Variants in MTF1 observed in about 807,000 individuals in gnomAD.
MTF1 encodes metal regulatory transcription factor 1, also known as MRE-binding transcription factor.
In MTF1, 22 loss-of-function variants were observed where a neutral mutation model predicts 70.4. That is an observed-to-expected ratio of 0.31 (90% CI 0.22 to 0.45). The LOEUF is 0.45. Ranked by LOEUF, MTF1 falls within the 20% of genes least tolerant of loss-of-function variation. The pLI is 1.00. For synonymous variants in MTF1, 333 were observed against 352.8 expected (o/e 0.94, Z 0.63); for missense variants, 649 against 922.0 (o/e 0.70, Z 3.83).
In MTF1 at chr1:37,810,701, T is replaced by C. The variant is rs1019537129; in HGVS notation, c.*4435A>G. Reference sequence around the variant, plus strand: ...CAGAACTATTTGCATATTGGATCTATGAAAATCCTTCTGCTTTGGCTGAAG... The same window carrying C: ...CAGAACTATTTGCATATTGGATCTACGAAAATCCTTCTGCTTTGGCTGAAG... On this transcript the variant is annotated 3_prime_UTR_variant, in exon 11 of 11. Coordinates refer to ENST00000373036, the MANE Select transcript of MTF1 (RefSeq NM_005955.3). 4 of 152,236 alleles carry C rather than the reference T, an allele frequency of 2.6e-5. No homozygotes were observed. Among genetic ancestry groups the C allele is most frequent in the African/African-American group, 4.8e-5 (2 of 41,460 alleles). 9.4% of individuals were successfully genotyped at this position (152,236 alleles called of 1,614,324 possible).
intron 10 of MTF1, among the ~76,000 whole-genome samples, chr1:37,817,145 A>T (rs1057095152): frequency 6.6e-6 from 1 of 152,182 alleles, no homozygotes; most frequent in Admixed American, 6.5e-5. Flanking sequence ...TGATTCAAAA[A>T]TTTTTTTCTG....
chr1:37,822,088 A>T lies in MTF1; in HGVS notation c.1767+33T>A, dbSNP rs749655260. On this transcript the variant is annotated intron_variant, in intron 9 of 10. Coordinates refer to ENST00000373036, the MANE Select transcript of MTF1 (RefSeq NM_005955.3). ...CATGTCACCTATGTAAATACACTTC[A>T]CCCCACTGGGTATATTCATACATAA... 9 of 1,499,500 alleles carry T rather than the reference A, an allele frequency of 6.0e-6. No individual in the cohort carries two copies. The Admixed American group carries it at 1.6e-4, about 27-fold the overall frequency. The allele number at this position is 1,499,500 out of a possible 1,614,324, so 92.9% of individuals were successfully genotyped here. A position where few individuals can be genotyped will look rare whatever the true frequency, so the allele number is the denominator to read the frequency against.
rs920447136 is a variant in MTF1 at position 37,823,706 on chromosome 1, A to G, written c.1171+4T>C. The G allele has an allele frequency of 3.1e-6, 5 of 1,608,874 alleles. No individual in the cohort carries two copies. Among genetic ancestry groups the G allele is most frequent in the Non-Finnish European group, 4.3e-6 (5 of 1,175,360 alleles). The stretch of plus-strand genomic sequence containing the variant: ...TGTGAGTAGAAAGAGTCCGTGTGAC[A>G]AACCTGTCTGTTGAGGATCTTCCTG... On this transcript the variant is annotated splice_donor_region_variant and intron_variant, in intron 8 of 10. Transcript: ENST00000373036.
rs564196525 is a variant in MTF1, at chr1:37,812,114, A to G, written c.*3022T>C. 1.3e-5 allele frequency: 2 copies of G among 152,712 alleles called. No individual in the cohort carries two copies. The highest frequency in any genetic ancestry group is 4.8e-5 in the African/African-American group (2 of 41,590). 9.5% of individuals were successfully genotyped at this position (152,712 alleles called of 1,614,324 possible). ...ATAACGTACAGGGTGAAAATGGTTAAGTTTACTATGGGAGGGGAAAAAGGC... is the reference window on the plus strand; with the variant it reads ...ATAACGTACAGGGTGAAAATGGTTAGGTTTACTATGGGAGGGGAAAAAGGC... On this transcript the variant is annotated 3_prime_UTR_variant, in exon 11 of 11. Transcript: ENST00000373036.
rs560346530 is a variant in MTF1, at chr1:37,815,695, G to A, written c.1832-129C>T. 10 of 672,156 alleles carry A rather than the reference G, an allele frequency of 1.5e-5. No homozygotes were observed. Among genetic ancestry groups the A allele is most frequent in the South Asian group, 1.1e-4 (4 of 37,400 alleles). The allele number at this position is 672,156 out of a possible 1,614,324, so 41.6% of individuals were successfully genotyped here. A position where few individuals can be genotyped will look rare whatever the true frequency, so the allele number is the denominator to read the frequency against. On this transcript the variant is annotated intron_variant, in intron 10 of 10. Coordinates refer to ENST00000373036, the MANE Select transcript of MTF1 (RefSeq NM_005955.3). The surrounding 1 kb of genome is among the most constrained non-coding windows in gnomAD (Gnocchi z 4.5). ...ATGGGAAGGATGGTTGCCACACTTC[G>A]GGCTTCGTTCTGCTTTAAATTGGAC...
intron 4 of MTF1, among the ~76,000 whole-genome samples, chr1:37,836,488 T>G (rs1351089654): frequency 6.6e-6 from 1 of 152,156 alleles, no homozygotes; most frequent in Non-Finnish European, 1.5e-5. Context: ...TATAATCTTG[T>G]GTGTCGAGAT....
intron 4 of MTF1, 62 bp from the exon 5 acceptor site, chr1:37,835,806 CTT>C (rs554128002): frequency 1.1e-3 from 1,098 of 1,042,580 alleles, no homozygotes; most frequent in Non-Finnish European, 1.2e-3. Flanking sequence ...TCCTGAACGT[CTT>C]TTTTTTTTTT....
At chr1:37,849,982 C>T (rs1284150108) in intron 2 of MTF1, among the ~76,000 whole-genome samples, 2 of 152,182 alleles carry the variant, frequency 1.3e-5, no homozygotes, top group Non-Finnish European at 2.9e-5. Flanking sequence ...GTGGCTCATG[C>T]CGGTAATCAC....
intron 2 of MTF1, among the ~76,000 whole-genome samples, chr1:37,854,394 G>C (rs574419959): frequency 5.3e-5 from 8 of 152,290 alleles, no homozygotes; most frequent in Admixed American, 1.3e-4. Flanking sequence ...GAATAATCTA[G>C]AGCAGGGTTT....
chr1:37,856,332 T>C (rs1157431436), intron 2 of MTF1, among the ~76,000 whole-genome samples: 3 of 151,422 alleles, frequency 2.0e-5, no homozygotes, highest in Non-Finnish European at 4.4e-5. Flanking sequence ...CACCCGCCAC[T>C]ATGCCTGGCT....
chr1:37,820,938 G>T (rs1168968904), intron 9 of MTF1, among the ~76,000 whole-genome samples: 1 of 152,192 alleles, frequency 6.6e-6, no homozygotes, highest in African/African-American at 2.4e-5. Context: ...CAGCACTTTG[G>T]GAGACGGAGG....
Position 37,817,432 on chromosome 1 carries a change from T to C in MTF1, c.1818A>G (p.Val606=), listed in dbSNP as rs199750406. ...EKVFFTTAVP[V]ASSPGSSVQQ... ...GGAATTACATACCTGGGCTACTGGC[T>C]ACTGGTACTGCAGTGGTAAAAAACA... The change falls in exon 10 of 11, where the codon GTA becomes GTG. Residue 606 remains valine (V), a synonymous_variant. Transcript: ENST00000373036. 7.5e-6 allele frequency: 12 copies of C among 1,610,058 alleles called. No individual in the cohort carries two copies. Among genetic ancestry groups the C allele is most frequent in the Non-Finnish European group, 9.4e-6 (11 of 1,176,228 alleles).
chr1:37,826,293 C>T (rs1396202089), intron 7 of MTF1, among the ~76,000 whole-genome samples: 3 of 152,050 alleles, frequency 2.0e-5, no homozygotes, highest in African/African-American at 7.2e-5. Flanking sequence ...CTTCTTTTCC[C>T]CCCCTTTTTT....
chr1:37,858,264 G>A (rs1206500461), intron 1 of MTF1, among the ~76,000 whole-genome samples: 1 of 152,158 alleles, frequency 6.6e-6, no homozygotes, highest in South Asian at 2.1e-4. Flanking sequence ...GCAGTTTATG[G>A]TAGAAGGAGC....
chr1:37,818,997 C>CA (rs71891056), intron 9 of MTF1, among the ~76,000 whole-genome samples: 1,453 of 138,132 alleles, frequency 0.011, 27 homozygotes, highest in African/African-American at 0.036. Context: ...CGTGTCAAAA[C>CA]AAAAAAAAAA....
At position 37,815,640 on chromosome 1, in the gene MTF1, A is replaced by G; in HGVS notation, c.1832-74T>C. 8.3e-7 allele frequency: 1 copy of G among 1,203,360 alleles called. No homozygotes were observed. 74.5% of individuals were successfully genotyped at this position (1,203,360 alleles called of 1,614,324 possible). A position where few individuals can be genotyped will look rare whatever the true frequency, so the allele number is the denominator to read the frequency against. On this transcript the variant is annotated intron_variant, in intron 10 of 10. Coordinates refer to ENST00000373036, the MANE Select transcript of MTF1 (RefSeq NM_005955.3). The surrounding 1 kb of genome is among the most constrained non-coding windows in gnomAD (Gnocchi z 4.5). ...GAGCATGAGGGACAGGGATACATGG[A>G]CTAGGTGAGAGCAGAGTGCCATGGG...
In MTF1 at chr1:37,809,578, AATAAGCATTTAATT is replaced by A. The variant is rs1333702914; in HGVS notation, c.*5544_*5557del. The A allele has an allele frequency of 6.4e-6, 1 of 156,494 alleles. No homozygotes were observed. Among genetic ancestry groups the A allele is most frequent in the Non-Finnish European group, 1.4e-5 (1 of 70,342 alleles). 9.7% of individuals were successfully genotyped at this position (156,494 alleles called of 1,614,324 possible). A position where few individuals can be genotyped will look rare whatever the true frequency, so the allele number is the denominator to read the frequency against. On this transcript the variant is annotated 3_prime_UTR_variant, in exon 11 of 11. Coordinates refer to ENST00000373036, the MANE Select transcript of MTF1 (RefSeq NM_005955.3). ...AATGCCACAGATACTACCAGATTTA[AATAAGCATTTAATT>A]AGGATTTCATTAGTATTTAATATTG... is the stretch of plus-strand genomic sequence containing the variant.
chr1:37,817,742 T>C (rs1640841524), intron 9 of MTF1, among the ~76,000 whole-genome samples: 1 of 152,202 alleles, frequency 6.6e-6, no homozygotes, highest in Non-Finnish European at 1.5e-5. Context: ...AGGTTCTGTA[T>C]CCAAAGGCTC....
In MTF1 at chr1:37,814,936, T is replaced by C; in HGVS notation, c.*200A>G. On this transcript the variant is annotated 3_prime_UTR_variant, in exon 11 of 11. Transcript: ENST00000373036. ...TAACTTAGCTTTTTTTGTTGTTTTT[T>C]TTGTTTTTTGTTTTTTTCCAAAGAA... 1 of 556,132 alleles carries C rather than the reference T, an allele frequency of 1.8e-6. No homozygotes were observed. Among genetic ancestry groups the C allele is most frequent in the South Asian group, 2.6e-5 (1 of 38,104 alleles). The allele number at this position is 556,132 out of a possible 1,614,324, so 34.4% of individuals were successfully genotyped here.
Sources: allele counts gnomAD v4.1 joint callset (sites outside exome capture counted in the v4.1 genomes callset), GRCh38; gene constraint gnomAD v4.1.1; non-coding constraint Gnocchi (gnomAD v3.1); transcripts MANE v1.5; gene names NCBI Gene and HGNC (gene_info 2026-07-23, HGNC 2026-07-21).